The following C2CD2L variants were observed in gnomAD, a reference collection of about 807,000 sequenced individuals.
C2CD2L encodes the protein C2CD2 like, also known as phospholipid transfer protein C2CD2L.
A neutral mutation model predicts 69.9 loss-of-function variants in C2CD2L; 24 were observed. The ratio of observed to expected loss-of-function variants is 0.34; its 90% CI spans 0.25 to 0.48. The LOEUF is 0.48. C2CD2L is among the 20% of genes least tolerant of loss of function. The pLI, the probability that C2CD2L is intolerant of heterozygous loss-of-function variation, is 0.99. For synonymous variants in C2CD2L, 367 were observed against 391.0 expected (o/e 0.94, Z 0.72); for missense variants, 811 against 941.5 (o/e 0.86, Z 1.81).
chr11:119,102,431 T>G (rs1227742570), upstream of C2CD2L: 3 of 429,276 alleles, frequency 7.0e-6, no homozygotes, highest in East Asian at 7.2e-5. Flanking sequence ...ATGGTGTAAA[T>G]TCTAAAGCGT....
In C2CD2L at chr11:119,114,516, C is replaced by T. The variant is rs1277474175; in HGVS notation, c.1909+151C>T. On this transcript the variant is annotated intron_variant, in intron 13 of 13. Transcript: ENST00000648610. The surrounding 1 kb of genome is among the most constrained non-coding windows in gnomAD (Gnocchi z 5.1). ...CAGCCAAGCTAGCCTAGAGGGGGAT[C>T]TTGGTGCCTTGGTTCCTGGCCTAGA... 1.4e-6 allele frequency: 1 copy of T among 697,638 alleles called. No homozygotes were observed. The highest frequency in any genetic ancestry group is 1.8e-5 in the African/African-American group (1 of 55,852). 43.2% of individuals were successfully genotyped at this position (697,638 alleles called of 1,614,324 possible). A position where few individuals can be genotyped will look rare whatever the true frequency, so the allele number is the denominator to read the frequency against.
intron 13 of C2CD2L, chr11:119,115,245 ACT>A (rs1463864119): frequency 1.7e-4 from 16 of 93,814 alleles, no homozygotes; most frequent in African/African-American, 7.7e-4. Context: ...ACAGAGTGAG[ACT>A]CTGTCTCAAA....
chr11:119,104,385 C>T (rs1946551417), upstream of C2CD2L, among the ~76,000 whole-genome samples: 1 of 152,136 alleles, frequency 6.6e-6, no homozygotes, highest in Admixed American at 6.5e-5. Context: ...CCTACCACCA[C>T]CCTCCTGGGG....
At chr11:119,115,254 CAAAA>C (rs61085631) in intron 13 of C2CD2L, 3 of 113,810 alleles carry the variant, frequency 2.6e-5, no homozygotes, top group African/African-American at 6.4e-5. Context: ...GACTCTGTCT[CAAAA>C]AAAAAAAAAA....
rs1334361597 is a variant in C2CD2L, at chr11:119,114,078, A to G, written c.1624-2A>G. ...CCCATTAAAACCCGTCCCTCCTGCC[A>G]GGTGCCCATTGCTCAGGACGAGTTG... On this transcript the variant is annotated splice_acceptor_variant, in intron 12 of 13. Transcript: ENST00000648610. LOFTEE classifies it high-confidence loss of function. This position sits in a 1 kb window ranked among gnomAD's most constrained non-coding sequence, Gnocchi z 5.1. The G allele has an allele frequency of 2.5e-6, 4 of 1,614,066 alleles. No individual in the cohort carries two copies. The highest frequency in any genetic ancestry group is 3.4e-6 in the Non-Finnish European group (4 of 1,179,934).
Position 119,113,997 on chromosome 11 carries a change from G to C in C2CD2L, c.1623+9G>C, listed in dbSNP as rs774991026. The C allele has an allele frequency of 9.3e-6, 15 of 1,613,738 alleles. No homozygotes were observed. Among genetic ancestry groups the C allele is most frequent in the Non-Finnish European group, 1.2e-5 (14 of 1,179,778 alleles). The stretch of plus-strand genomic sequence containing the variant: ...TCTCTGGTGTTTCCAAGGTAACAGG[G>C]CTCTGGGGAGAGGAGCTGGGATGGG... On this transcript the variant is annotated intron_variant, in intron 12 of 13. Coordinates refer to ENST00000648610, the MANE Select transcript of C2CD2L (RefSeq NM_001290474.2).
rs1326193251 is a variant in C2CD2L, at chr11:119,116,890, C to T, written c.*634C>T. 1.3e-5 allele frequency: 2 copies of T among 152,896 alleles called. No homozygotes were observed. The highest frequency in any genetic ancestry group is 4.8e-5 in the African/African-American group (2 of 41,416). 9.5% of individuals were successfully genotyped at this position (152,896 alleles called of 1,614,324 possible). ...TCATCCCTCCCTCCCCCTTTATTAC[C>T]GTTTTTTGTACTTGATGCCTTCTCT... On this transcript the variant is annotated 3_prime_UTR_variant, in exon 14 of 14. Transcript: ENST00000648610.
chr11:119,116,504 ATG>A lies in C2CD2L; in HGVS notation c.*253_*254del, dbSNP rs1316025444. The A allele has an allele frequency of 1.7e-6, 1 of 583,082 alleles. No homozygotes were observed. Among genetic ancestry groups the A allele is most frequent in the East Asian group, 2.8e-5 (1 of 35,274 alleles). 36.1% of individuals were successfully genotyped at this position (583,082 alleles called of 1,614,324 possible). ...GAGGGAGAGGAGGGCCCTGTCCGGC[ATG>A]TGTGGGTATTCCCCAGAAGCATTTG... is the stretch of plus-strand genomic sequence containing the variant. On this transcript the variant is annotated 3_prime_UTR_variant, in exon 14 of 14. Coordinates refer to ENST00000648610, the MANE Select transcript of C2CD2L (RefSeq NM_001290474.2).
chr11:119,113,131 A>C, intron 10 of C2CD2L: 1 of 534,166 alleles, frequency 1.9e-6, no homozygotes, highest in East Asian at 3.2e-5. Flanking sequence ...GGACTGTTGC[A>C]CTCCTACCTT....
rs1427122641 is a variant in C2CD2L, at chr11:119,117,048, G to C, written c.*792G>C. On this transcript the variant is annotated 3_prime_UTR_variant, in exon 14 of 14. Transcript: ENST00000648610. ...GCAAGGCTGCACCTCTGTGTGTTGG[G>C]AGACGATGATGATGTCCATTGCTGT... 1 of 152,684 alleles carries C rather than the reference G, an allele frequency of 6.5e-6. No individual in the cohort carries two copies. The highest frequency in any genetic ancestry group is 2.4e-5 in the African/African-American group (1 of 41,454). The allele number at this position is 152,684 out of a possible 1,614,324, so 9.5% of individuals were successfully genotyped here. A position where few individuals can be genotyped will look rare whatever the true frequency, so the allele number is the denominator to read the frequency against.
In C2CD2L at chr11:119,110,513, C is replaced by A. The variant is rs1446024155; in HGVS notation, c.451-48C>A. ...TGAACTATTACAGGGCAGTTCAAAGCAGGGTGAGCACCCTTCCCCCACATC... is the reference window on the plus strand; with the variant it reads ...TGAACTATTACAGGGCAGTTCAAAGAAGGGTGAGCACCCTTCCCCCACATC... On this transcript the variant is annotated intron_variant, in intron 2 of 13. Coordinates refer to ENST00000648610, the MANE Select transcript of C2CD2L (RefSeq NM_001290474.2). This position sits in a 1 kb window ranked among gnomAD's most constrained non-coding sequence, Gnocchi z 5.7. The A allele has an allele frequency of 1.0e-5, 16 of 1,585,278 alleles. No individual in the cohort carries two copies. The highest frequency in any genetic ancestry group is 1.3e-5 in the Non-Finnish European group (15 of 1,170,262).
chr11:119,105,786 T>C (rs1266658071), upstream of C2CD2L, among the ~76,000 whole-genome samples: 1 of 151,914 alleles, frequency 6.6e-6, no homozygotes, highest in Non-Finnish European at 1.5e-5. Context: ...AGGGAATAAA[T>C]CAAAGAAGTC....
chr11:119,112,057 AAG>A (rs1592240683), intron 7 of C2CD2L: 1 of 508,212 alleles, frequency 2.0e-6, no homozygotes, highest in African/African-American at 1.9e-5. Flanking sequence ...GAGCAAATGA[AAG>A]AGGGTGGCTT....
At chr11:119,115,890 A>G in intron 13 of C2CD2L, 155 bp from the exon 14 acceptor site, 3 of 613,192 alleles carry the variant, frequency 4.9e-6, no homozygotes, top group Non-Finnish European at 8.6e-6. Context: ...ATGGAGAAGT[A>G]TGTTTCTGCT....
In C2CD2L at chr11:119,118,221, T is replaced by C. The variant is rs1221215183; in HGVS notation, c.*1965T>C. ...AATAGTGAACATCATACCCAATAGG[T>C]AGTTTTTCAACCCTCACCCTCCTCC... is the stretch of plus-strand genomic sequence containing the variant. On this transcript the variant is annotated 3_prime_UTR_variant, in exon 14 of 14. Transcript: ENST00000648610. 1 of 152,142 alleles carries C rather than the reference T, an allele frequency of 6.6e-6. No homozygotes were observed. Among genetic ancestry groups the C allele is most frequent in the East Asian group, 1.9e-4 (1 of 5,200 alleles). 9.4% of individuals were successfully genotyped at this position (152,142 alleles called of 1,614,324 possible).
At chr11:119,102,660 G>A (rs1946528573), upstream of C2CD2L, among the ~76,000 whole-genome samples, 1 of 151,904 alleles carries the variant, frequency 6.6e-6, no homozygotes, top group Non-Finnish European at 1.5e-5. Flanking sequence ...GCTCCCACAA[G>A]GAGGAGATGG....
intron 6 of C2CD2L, 26 bp downstream of exon 6, chr11:119,111,400 C>T: frequency 6.2e-7 from 1 of 1,607,876 alleles, no homozygotes. Flanking sequence ...GGCTGCGGGA[C>T]TGCCAAGGCT....
intron 13 of C2CD2L, chr11:119,115,835 T>G: frequency 1.7e-6 from 1 of 595,050 alleles, no homozygotes; most frequent in Non-Finnish European, 3.0e-6. Flanking sequence ...AAGCACATGT[T>G]TGTTTCTGCT....
In C2CD2L at chr11:119,110,143, C is replaced by T. The variant is rs765686233; in HGVS notation, c.394C>T (p.Pro132Ser). ...CGCCTTTGAGGAGGTGCCCCAACTCCCACCCAGAGCCAGCATCAGTCATGT... is the reference window on the plus strand; with the variant it reads ...CGCCTTTGAGGAGGTGCCCCAACTCTCACCCAGAGCCAGCATCAGTCATGT... ...QIAFEEVPQLPPRASISHVTC... is the reference protein window; with the variant it reads ...QIAFEEVPQLSPRASISHVTC... The change falls in exon 2 of 14, where the codon CCA (proline) becomes TCA (serine). Residue 132 changes from proline to serine, a missense_variant. By Grantham distance (74) the Pro-to-Ser change is moderately conservative. Coordinates refer to ENST00000648610, the MANE Select transcript of C2CD2L (RefSeq NM_001290474.2). The surrounding 1 kb of genome is among the most constrained non-coding windows in gnomAD (Gnocchi z 5.7). 6.2e-7 allele frequency: 1 copy of T among 1,614,036 alleles called. No individual in the cohort carries two copies. The highest frequency in any genetic ancestry group is 1.3e-5 in the African/African-American group (1 of 75,042).
Sources: gnomAD v4.1 joint callset for allele counts (sites outside exome capture counted in the v4.1 genomes callset) on GRCh38, gnomAD v4.1.1 for gene constraint, Gnocchi (gnomAD v3.1) non-coding constraint, MANE v1.5 for transcripts, NCBI Gene and HGNC (gene_info 2026-07-23, HGNC 2026-07-21) for gene names.